Variants in ROR2 observed in about 807,000 individuals in gnomAD.
ROR2 encodes ROR family WNT receptor 2.
In ROR2, 33 loss-of-function variants were observed where a neutral mutation model predicts 74.9. The ratio of observed to expected loss-of-function variants is 0.44; its 90% confidence interval spans 0.33 to 0.59. ROR2 has a LOEUF of 0.59. Ranked by LOEUF, ROR2 falls within the 20% of genes least tolerant of loss-of-function variation. The pLI is 0.02. For synonymous variants in ROR2, 586 were observed against 558.7 expected (o/e 1.05, Z -0.69); for missense variants, 1,216 against 1,313.8 (o/e 0.93, Z 1.15).
In ROR2 at chr9:91,741,377, G is replaced by A. The variant is rs1486538994; in HGVS notation, c.495-3859C>T. 8.6e-5 allele frequency among the ~76,000 whole-genome samples: 13 copies of A among 150,822 alleles called. No individual in the cohort carries two copies. The East Asian group carries it at 1.7e-3, about 20-fold the overall frequency. ...CAACCCTGGGTAAGAAAAGCAACAG[G>A]AGAGGGGTAGGAGATCAGGGAGAAA... is the stretch of plus-strand genomic sequence containing the variant. On this transcript the variant is annotated intron_variant, in intron 4 of 8. Coordinates refer to ENST00000375708, the MANE Select transcript of ROR2 (RefSeq NM_004560.4).
At chr9:91,884,742 T>C (rs10761135) in intron 1 of ROR2, among the ~76,000 whole-genome samples, 75,048 of 151,834 alleles carry the variant, frequency 0.49, 22,160 homozygotes, top group African/African-American at 0.82. Context: ...GACCATAACA[T>C]GTCTCCATTT....
At chr9:91,776,510 T>C (rs1347485250) in intron 1 of ROR2, among the ~76,000 whole-genome samples, 1 of 152,212 alleles carries the variant, frequency 6.6e-6, no homozygotes, top group African/African-American at 2.4e-5. Flanking sequence ...AATCCTACCA[T>C]TCTTCCTCAG....
intron 1 of ROR2, among the ~76,000 whole-genome samples, chr9:91,830,694 TAAGA>T (rs1315483065): frequency 6.1e-5 from 3 of 49,278 alleles, no homozygotes; most frequent in African/African-American, 2.0e-4. Context: ...ATTAAAAAGA[TAAGA>T]AAGAATTATG....
chr9:91,797,012 CGGGGCTGACACCCTGGGATCTGTGGAT>C (rs1827203579), intron 1 of ROR2, among the ~76,000 whole-genome samples: 1 of 77,488 alleles, frequency 1.3e-5, no homozygotes. Context: ...GCTCTGTGGG[CGGGGCTGACACCCTGGGATCTGTGGAT>C]GGGGCTGACA....
chr9:91,883,826 T>C (rs186788861), intron 1 of ROR2, among the ~76,000 whole-genome samples: 227 of 152,286 alleles, frequency 1.5e-3, no homozygotes, highest in Non-Finnish European at 2.0e-3. Context: ...AGCGCTTAAA[T>C]CACCACCAAA....
chr9:91,768,608 C>A (rs916302251), intron 2 of ROR2, among the ~76,000 whole-genome samples: 1 of 152,206 alleles, frequency 6.6e-6, no homozygotes, highest in Non-Finnish European at 1.5e-5. Context: ...AGGGACGCCA[C>A]CCCGCTGGGC....
intron 1 of ROR2, among the ~76,000 whole-genome samples, chr9:91,875,398 G>A (rs1054425925): frequency 6.6e-6 from 1 of 152,130 alleles, no homozygotes; most frequent in Non-Finnish European, 1.5e-5. Context: ...GTGCCCTAAA[G>A]GAACTAATTG....
intron 1 of ROR2, among the ~76,000 whole-genome samples, chr9:91,778,257 G>A (rs144344852): frequency 3.9e-5 from 6 of 152,338 alleles, no homozygotes; most frequent in Non-Finnish European, 8.8e-5. Flanking sequence ...TACTGAGCAC[G>A]TGCTTCTGCA....
At chr9:91,940,100 A>G (rs1264504678) in intron 1 of ROR2, among the ~76,000 whole-genome samples, 3 of 152,214 alleles carry the variant, frequency 2.0e-5, no homozygotes, top group African/African-American at 4.8e-5. Context: ...TTCCAAGCCC[A>G]CGGGAACCCC....
intron 1 of ROR2, among the ~76,000 whole-genome samples, chr9:91,806,803 A>T (rs189200771): frequency 6.6e-6 from 1 of 152,058 alleles, no homozygotes; most frequent in Non-Finnish European, 1.5e-5. Flanking sequence ...GTTAGCCAGG[A>T]TGGTCTCGAT....
At chr9:91,861,932 A>G (rs937629633) in intron 1 of ROR2, among the ~76,000 whole-genome samples, 1 of 152,110 alleles carries the variant, frequency 6.6e-6, no homozygotes, top group Non-Finnish European at 1.5e-5. Flanking sequence ...CTAATGCCCA[A>G]TGTGATGGCA....
intron 1 of ROR2, among the ~76,000 whole-genome samples, chr9:91,933,258 G>T (rs1831597777): frequency 6.6e-6 from 1 of 152,206 alleles, no homozygotes; most frequent in African/African-American, 2.4e-5. Flanking sequence ...GGAGGTTGCA[G>T]TGAGCCGAGA....
At chr9:91,850,600 G>C (rs1381008713) in intron 1 of ROR2, among the ~76,000 whole-genome samples, 3 of 152,188 alleles carry the variant, frequency 2.0e-5, no homozygotes, top group Non-Finnish European at 4.4e-5. Context: ...AGAGGCTGTG[G>C]GGCTGTGAGG....
chr9:91,768,034 G>A (rs372109961), intron 2 of ROR2, among the ~76,000 whole-genome samples: 2 of 152,236 alleles, frequency 1.3e-5, no homozygotes, highest in South Asian at 2.1e-4. Context: ...TTTCAGACAC[G>A]GACCTAGAGG....
chr9:91,745,240 C>T (rs999749606), intron 4 of ROR2, among the ~76,000 whole-genome samples: 1 of 151,254 alleles, frequency 6.6e-6, no homozygotes, highest in African/African-American at 2.4e-5. Context: ...ATTCTCCTGC[C>T]TCAGTCTCCC....
At chr9:91,888,830 CCTTT>C (rs1383977753) in intron 1 of ROR2, among the ~76,000 whole-genome samples, 1 of 152,154 alleles carries the variant, frequency 6.6e-6, no homozygotes, top group East Asian at 1.9e-4. Flanking sequence ...GAAGCAATGT[CCTTT>C]CTTTATTCAC....
intron 1 of ROR2, among the ~76,000 whole-genome samples, chr9:91,893,966 T>C (rs1489729436): frequency 6.6e-6 from 1 of 152,238 alleles, no homozygotes; most frequent in Non-Finnish European, 1.5e-5. Flanking sequence ...ACTGAAACTC[T>C]GTACCCATCA....
chr9:91,949,621 C>A (rs1329573956), intron 1 of ROR2, among the ~76,000 whole-genome samples: 4 of 152,104 alleles, frequency 2.6e-5, no homozygotes, highest in African/African-American at 9.7e-5. Context: ...CCAGCCGCCG[C>A]CGCCCGCCCC....
chr9:91,777,154 A>G (rs16907776), intron 1 of ROR2, among the ~76,000 whole-genome samples: 10,058 of 152,286 alleles, frequency 0.066, 576 homozygotes, highest in Admixed American at 0.17. Context: ...GAAATTTTAA[A>G]GTGTTATCTT....
Sources: allele counts gnomAD v4.1 joint callset (sites outside exome capture counted in the v4.1 genomes callset), GRCh38; gene constraint gnomAD v4.1.1; transcripts MANE v1.5; gene names NCBI Gene and HGNC (gene_info 2026-07-23, HGNC 2026-07-21).